CASK: variants seen among roughly 807,000 people sequenced by gnomAD.
The protein encoded by CASK is peripheral plasma membrane protein CASK.
CASK carries 4 observed loss-of-function variants against 82.9 expected under a neutral mutation model. The ratio of observed to expected loss-of-function variants is 0.05; its 90% CI spans 0.02 to 0.11. CASK has a LOEUF of 0.11. Among genes scored for constraint, CASK ranks in the 10% least tolerant of loss-of-function variants. The probability of loss-of-function intolerance (pLI) is 1.00; values close to 1 mark genes in which losing one functional copy is unlikely to be tolerated. For synonymous variants in CASK, 259 were observed against 253.5 expected (o/e 1.02, Z -0.20); for missense variants, 358 against 720.9 (o/e 0.50, Z 5.76).
At chrX:41,698,123 T>C (rs2067725570) in intron 5 of CASK, 3 of 111,864 alleles carry the variant, frequency 2.7e-5, no homozygotes, top group Admixed American at 9.5e-5. Context: ...CACATTCTTA[T>C]GGATCAATAC....
At chrX:41,701,904 G>C (rs2067799835) in intron 5 of CASK, among the ~76,000 whole-genome samples, 1 of 112,223 alleles carries the variant, frequency 8.9e-6, no homozygotes, top group Admixed American at 9.5e-5. Flanking sequence ...ATGTAGGGAT[G>C]CAAGTTGGTA....
chrX:41,677,821 C>T (rs1436931762), intron 5 of CASK, among the ~76,000 whole-genome samples: 4 of 112,389 alleles, frequency 3.6e-5, no homozygotes, highest in Non-Finnish European at 3.8e-5. Context: ...GACATTCTTT[C>T]AGCTCCTCCC....
At chrX:41,568,518 T>C (rs972819484) in intron 16 of CASK, among the ~76,000 whole-genome samples, 1 of 109,993 alleles carries the variant, frequency 9.1e-6, no homozygotes, top group African/African-American at 3.3e-5. Flanking sequence ...TCTCTGGGGG[T>C]AAGGAAAGAG....
At chrX:41,826,185 T>C (rs1395184647) in intron 2 of CASK, among the ~76,000 whole-genome samples, 1 of 112,004 alleles carries the variant, frequency 8.9e-6, no homozygotes, top group Non-Finnish European at 1.9e-5. Context: ...TTTTTTGTCA[T>C]CTCTCCCATC....
At chrX:41,664,914 G>A (rs1032627202) in intron 7 of CASK, among the ~76,000 whole-genome samples, 2 of 112,707 alleles carry the variant, frequency 1.8e-5, no homozygotes, top group Middle Eastern at 4.6e-3. Flanking sequence ...CAGCTGTGCT[G>A]GCCTAAATTT....
At chrX:41,683,323 C>G (rs767276454) in intron 5 of CASK, 8 of 111,364 alleles carry the variant, frequency 7.2e-5, no homozygotes, top group African/African-American at 2.3e-4. Flanking sequence ...TACCCCCCTC[C>G]CGGGAGATCA....
rs1294885149 is a variant in CASK at position 41,561,563 on chromosome X, A to G, written c.1664T>C (p.Met555Thr). The G allele has an allele frequency of 8.4e-7, 1 of 1,186,886 alleles. No individual in the cohort carries two copies. The highest frequency in any genetic ancestry group is 1.1e-6 in the Non-Finnish European group (1 of 875,054). Residue 555 changes from methionine (M) to threonine (T), a missense_variant, in exon 17 of 27, where the codon ATG becomes ACG. Around this residue, in one of 5 missense-constraint regions of CASK, gnomAD observed 110 missense variants for 218.8 expected, o/e 0.50. Transcript: ENST00000378163. ...ANQTVEQLQK[M>T]LREMRGSITF... is the part of the protein sequence containing the mutation. Reference sequence around the variant, plus strand: ...GAAAAACTTTCATTTACTTACAAGCATTTTTTGCAGTTGTTCCACTGTTTG... The same window carrying G: ...GAAAAACTTTCATTTACTTACAAGCGTTTTTTGCAGTTGTTCCACTGTTTG...
At chrX:41,593,656 C>T (rs906860501) in intron 12 of CASK, among the ~76,000 whole-genome samples, 1 of 111,771 alleles carries the variant, frequency 8.9e-6, no homozygotes, top group African/African-American at 3.3e-5. Context: ...GATGTATATG[C>T]ATAATATGTC....
At chrX:41,545,828 C>T (rs1371203615) in intron 21 of CASK, among the ~76,000 whole-genome samples, 2 of 109,609 alleles carry the variant, frequency 1.8e-5, no homozygotes, top group Non-Finnish European at 3.8e-5. Context: ...TAATTCCCCC[C>T]CCACCCCCGC....
intron 1 of CASK, among the ~76,000 whole-genome samples, chrX:41,861,921 GTATATATAC>G (rs1270821316): frequency 3.0e-5 from 3 of 99,184 alleles, no homozygotes; most frequent in Admixed American, 1.2e-4. Flanking sequence ...TACATTATAT[GTATATATAC>G]TATATATACT....
intron 5 of CASK, among the ~76,000 whole-genome samples, chrX:41,711,939 T>C (rs1168752580): frequency 8.9e-6 from 1 of 112,514 alleles, no homozygotes; most frequent in Non-Finnish European, 1.9e-5. Context: ...TGTCAGCGTA[T>C]CCTCATTCTT....
intron 1 of CASK, among the ~76,000 whole-genome samples, chrX:41,889,907 C>A (rs1054514313): frequency 8.9e-6 from 1 of 111,746 alleles, no homozygotes; most frequent in Non-Finnish European, 1.9e-5. Flanking sequence ...TAGAGACTGG[C>A]AAAATCGGTG....
chrX:41,727,855 C>G lies in CASK; in HGVS notation c.429+11529G>C, dbSNP rs2068293220. On this transcript the variant is annotated intron_variant, in intron 5 of 26. Coordinates refer to ENST00000378163, the MANE Select transcript of CASK (RefSeq NM_001367721.1). ...TAAACCCATTTTTTATGTTCTACAC[C>G]AAAGAGATAACTGTCAGCAATTGAA... 3 of 1,193,730 alleles carry G rather than the reference C, an allele frequency of 2.5e-6. No individual in the cohort carries two copies. The East Asian group carries it at 8.9e-5, about 35-fold the overall frequency.
chrX:41,823,897 C>T (rs905821876), intron 2 of CASK, among the ~76,000 whole-genome samples: 2 of 111,036 alleles, frequency 1.8e-5, no homozygotes, highest in African/African-American at 6.6e-5. Flanking sequence ...CAGGTATTTC[C>T]GAAGTTTCGT....
intron 15 of CASK, among the ~76,000 whole-genome samples, chrX:41,572,771 C>G (rs1207515054): frequency 8.9e-6 from 1 of 111,773 alleles, no homozygotes; most frequent in African/African-American, 3.3e-5. Context: ...TTCCAGTGCT[C>G]TTTATTCCCT....
intron 5 of CASK, among the ~76,000 whole-genome samples, chrX:41,737,377 A>G (rs1232703766): frequency 8.9e-6 from 1 of 112,205 alleles, no homozygotes; most frequent in African/African-American, 3.2e-5. Context: ...GTGAGCAAGT[A>G]AGCAGCAGTT....
chrX:41,706,983 T>C (rs1351706139), intron 5 of CASK, among the ~76,000 whole-genome samples: 1 of 112,202 alleles, frequency 8.9e-6, no homozygotes, highest in Admixed American at 9.5e-5. Flanking sequence ...ACACATACTA[T>C]AGTAATCCCT....
chrX:41,695,795 T>C (rs2067676116), intron 5 of CASK: 5 of 1,207,271 alleles, frequency 4.1e-6, no homozygotes, highest in Non-Finnish European at 4.5e-6. Context: ...AATTGCTATC[T>C]ACTGTGTTAA....
intron 3 of CASK, among the ~76,000 whole-genome samples, chrX:41,761,042 T>C (rs1177325377): frequency 9.0e-6 from 1 of 111,491 alleles, no homozygotes; most frequent in Non-Finnish European, 1.9e-5. Context: ...TAAGTCTCTC[T>C]AGCCCTTATT....
Sources: allele counts gnomAD v4.1 joint callset (sites outside exome capture counted in the v4.1 genomes callset), GRCh38; gene constraint gnomAD v4.1.1; regional missense constraint gnomAD v4.1.1; transcripts MANE v1.5; gene names NCBI Gene and HGNC (gene_info 2026-07-23, HGNC 2026-07-21).